The following FAM76A variants were observed in gnomAD, a reference collection of about 807,000 sequenced individuals.
The protein encoded by FAM76A is protein FAM76A.
A neutral mutation model predicts 46.2 loss-of-function variants in FAM76A; 32 were observed. The ratio of observed to expected loss-of-function variants is 0.69; its 90% confidence interval spans 0.52 to 0.93. The LOEUF is 0.93. Ranked by LOEUF, FAM76A falls within the 40% of genes least tolerant of loss-of-function variation. FAM76A has a pLI of 0.00. For missense variants in FAM76A, 274 were observed against 361.5 expected, an observed-to-expected ratio of 0.76 and a Z score of 1.96; for synonymous variants, 137 against 127.0, an observed-to-expected ratio of 1.08 and a Z score of -0.53.
At chr1:27,740,691 T>C (rs2088136631) in intron 4 of FAM76A, 1 of 493,270 alleles carries the variant, frequency 2.0e-6, no homozygotes, top group Non-Finnish European at 3.6e-6. Context: ...AACAGGAATA[T>C]TGACTACCAA....
At chr1:27,727,864 G>A (rs1454964193) in intron 2 of FAM76A, among the ~76,000 whole-genome samples, 3 of 132,506 alleles carry the variant, frequency 2.3e-5, no homozygotes, top group Non-Finnish European at 4.6e-5. Flanking sequence ...CTGGAATGAA[G>A]TGGTATGATC....
intron 6 of FAM76A, among the ~76,000 whole-genome samples, chr1:27,754,776 G>C (rs551132836): frequency 6.6e-6 from 1 of 152,276 alleles, no homozygotes; most frequent in Non-Finnish European, 1.5e-5. Context: ...TCTGAGGGAA[G>C]CATTAAAGAA....
In FAM76A at chr1:27,760,635, G is replaced by T; in HGVS notation, c.*54G>T. 7.6e-7 allele frequency: 1 copy of T among 1,314,518 alleles called. No individual in the cohort carries two copies. Among genetic ancestry groups the T allele is most frequent in the Non-Finnish European group, 1.1e-6 (1 of 935,958 alleles). The allele number at this position is 1,314,518 out of a possible 1,614,324, so 81.4% of individuals were successfully genotyped here. A position where few individuals can be genotyped will look rare whatever the true frequency, so the allele number is the denominator to read the frequency against. ...GCAAATGGAGTTGTCCAGGGTTAGGGTTGGAGACCTGGCTGTTCTGTGGGA... is the reference window on the plus strand; with the variant it reads ...GCAAATGGAGTTGTCCAGGGTTAGGTTTGGAGACCTGGCTGTTCTGTGGGA... On this transcript the variant is annotated 3_prime_UTR_variant, in exon 9 of 9. Coordinates refer to ENST00000373954, the MANE Select transcript of FAM76A (RefSeq NM_152660.3).
At chr1:27,731,799 A>G (rs2087961876) in intron 2 of FAM76A, among the ~76,000 whole-genome samples, 2 of 151,862 alleles carry the variant, frequency 1.3e-5, no homozygotes, top group African/African-American at 2.4e-5. Context: ...ATCAGAAATA[A>G]CTCACTCTCC....
intron 1 of FAM76A, among the ~76,000 whole-genome samples, 195 bp from the exon 2 acceptor site, chr1:27,727,277 G>A (rs1475770351): frequency 6.6e-6 from 1 of 152,202 alleles, no homozygotes; most frequent in East Asian, 1.9e-4. Flanking sequence ...ATCCATATAA[G>A]TTCTTACTTA....
At chr1:27,747,339 A>C (rs1025492475) in intron 5 of FAM76A, among the ~76,000 whole-genome samples, 3 of 152,146 alleles carry the variant, frequency 2.0e-5, no homozygotes, top group African/African-American at 7.2e-5. Flanking sequence ...AGGAACTAAG[A>C]AGCAGCTGTC....
At position 27,755,124 on chromosome 1, in the gene FAM76A, G is replaced by A; in HGVS notation, c.600-71G>A. On this transcript the variant is annotated intron_variant, in intron 6 of 8. Coordinates refer to ENST00000373954, the MANE Select transcript of FAM76A (RefSeq NM_152660.3). ...TAGGAGCTTGCAGACAAGTGGTCTA[G>A]GATGCATCCTCAGGTAGAGAAAAGT... The A allele has an allele frequency of 1.9e-6, 3 of 1,562,864 alleles. No homozygotes were observed. In the South Asian group the frequency reaches 3.4e-5, roughly 17 times the overall value.
chr1:27,757,077 A>G (rs908117245), intron 7 of FAM76A, among the ~76,000 whole-genome samples: 10 of 152,034 alleles, frequency 6.6e-5, no homozygotes, highest in Non-Finnish European at 1.3e-4. Flanking sequence ...CAAACAAAAA[A>G]GAATATCTCA....
At chr1:27,740,460 A>G in intron 4 of FAM76A, 1 of 1,469,532 alleles carries the variant, frequency 6.8e-7, no homozygotes. Flanking sequence ...TTTGGATAAG[A>G]GGTCGATGGT....
chr1:27,759,778 T>G (rs570342185), intron 8 of FAM76A, 151 bp downstream of exon 8: 424 of 589,812 alleles, frequency 7.2e-4, no homozygotes, highest in East Asian at 1.3e-3. Context: ...TTTTTTTTTT[T>G]GTTTTTTTTT....
chr1:27,746,949 C>T (rs796255143), intron 5 of FAM76A, among the ~76,000 whole-genome samples: 50 of 152,174 alleles, frequency 3.3e-4, no homozygotes, highest in African/African-American at 1.2e-3. Context: ...TGGCACACAC[C>T]TGTAGTCCCA....
chr1:27,748,172 C>T (rs1421699499), intron 5 of FAM76A, among the ~76,000 whole-genome samples: 1 of 130,966 alleles, frequency 7.6e-6, no homozygotes, highest in Non-Finnish European at 1.5e-5. Flanking sequence ...GTCGCCCAGG[C>T]TGGAGTGCAG....
intron 4 of FAM76A, among the ~76,000 whole-genome samples, chr1:27,739,712 T>C (rs2088118336): frequency 6.6e-6 from 1 of 152,120 alleles, no homozygotes; most frequent in African/African-American, 2.4e-5. Context: ...CACCTGAGCC[T>C]GGGAAGTCGA....
rs2088488963 is a variant in FAM76A at position 27,760,659 on chromosome 1, G to C, written c.*78G>C. 1.0e-5 allele frequency: 10 copies of C among 974,394 alleles called. No individual in the cohort carries two copies. In the South Asian group the frequency reaches 1.5e-4, roughly 14 times the overall value. The allele number at this position is 974,394 out of a possible 1,614,324, so 60.4% of individuals were successfully genotyped here. A position where few individuals can be genotyped will look rare whatever the true frequency, so the allele number is the denominator to read the frequency against. ...GGTTGGAGACCTGGCTGTTCTGTGG[G>C]AATTGCAAGCTTTCTTAAGAAATCT... On this transcript the variant is annotated 3_prime_UTR_variant, in exon 9 of 9. Coordinates refer to ENST00000373954, the MANE Select transcript of FAM76A (RefSeq NM_152660.3).
intron 2 of FAM76A, among the ~76,000 whole-genome samples, chr1:27,728,649 G>C (rs2087902953): frequency 6.6e-6 from 1 of 152,146 alleles, no homozygotes; most frequent in African/African-American, 2.4e-5. Flanking sequence ...CACCACGCCT[G>C]GGCAAATCTC....
intron 6 of FAM76A, among the ~76,000 whole-genome samples, chr1:27,754,912 G>A (rs1420218333): frequency 3.3e-5 from 5 of 152,186 alleles, no homozygotes; most frequent in African/African-American, 9.7e-5. Flanking sequence ...AGTATCCTTA[G>A]CTCTTGGGAT....
At chr1:27,740,265 A>C in intron 4 of FAM76A, 1 of 732,864 alleles carries the variant, frequency 1.4e-6, no homozygotes, top group East Asian at 2.7e-5. Flanking sequence ...GATTGAAGAC[A>C]TTTGGGAGAA....
chr1:27,727,590 C>A lies in FAM76A; in HGVS notation c.146+54C>A, dbSNP rs1293687852. 2.9e-6 allele frequency: 4 copies of A among 1,360,626 alleles called. No homozygotes were observed. The Admixed American group carries it at 7.0e-5, about 24-fold the overall frequency. 84.3% of individuals were successfully genotyped at this position (1,360,626 alleles called of 1,614,324 possible). A position where few individuals can be genotyped will look rare whatever the true frequency, so the allele number is the denominator to read the frequency against. On this transcript the variant is annotated intron_variant, in intron 2 of 8. Coordinates refer to ENST00000373954, the MANE Select transcript of FAM76A (RefSeq NM_152660.3). ...TAATAGGCTTTTTTCCTCTTAAAAT[C>A]TGTAATTGATTGCATTTCATGTACA...
At chr1:27,744,905 A>G (rs2148578293) in intron 5 of FAM76A, 94 bp downstream of exon 5, 1 of 1,240,984 alleles carries the variant, frequency 8.1e-7, no homozygotes, top group Non-Finnish European at 1.1e-6. Context: ...CATCTCATAT[A>G]CATTTTCTAT....
Sources: gnomAD v4.1 joint callset for allele counts (sites outside exome capture counted in the v4.1 genomes callset) on GRCh38, gnomAD v4.1.1 for gene constraint, MANE v1.5 for transcripts, NCBI Gene and HGNC (gene_info 2026-07-23, HGNC 2026-07-21) for gene names.